CDIN1: variants seen among roughly 807,000 people sequenced by gnomAD.
CDIN1 encodes the protein CDAN1 interacting nuclease 1, also known as CDAN1-interacting nuclease 1.
In CDIN1, 33 loss-of-function variants were observed where a neutral mutation model predicts 45.3. The observed-to-expected ratio is 0.73, with a 90% confidence interval of 0.55 to 0.97. The LOEUF is 0.97. Ranked by LOEUF, CDIN1 falls within the 50% of genes least tolerant of loss-of-function variation. The pLI is 0.00. For synonymous variants in CDIN1, 118 were observed against 124.4 expected, an observed-to-expected ratio of 0.95 and a Z score of 0.34; for missense variants, 303 against 339.4, an observed-to-expected ratio of 0.89 and a Z score of 0.84.
chr15:36,618,997 G>T, intron 1 of CDIN1: 3 of 1,521,914 alleles, frequency 2.0e-6, no homozygotes, highest in Non-Finnish European at 2.7e-6. Flanking sequence ...TTCAGTTCTT[G>T]TGTAGCCACT....
At chr15:36,744,756 T>G (rs1331091685) in intron 10 of CDIN1, among the ~76,000 whole-genome samples, 1 of 152,168 alleles carries the variant, frequency 6.6e-6, no homozygotes, top group Non-Finnish European at 1.5e-5. Context: ...GATGATAACT[T>G]TGAAAATGGC....
intron 10 of CDIN1, among the ~76,000 whole-genome samples, chr15:36,716,632 G>C (rs1405841786): frequency 1.3e-5 from 2 of 152,122 alleles, no homozygotes; most frequent in Non-Finnish European, 2.9e-5. Context: ...GTGCAGTGCA[G>C]CCTGGACTCT....
chr15:36,792,079 C>T (rs1037728155), intron 10 of CDIN1, among the ~76,000 whole-genome samples: 3 of 152,128 alleles, frequency 2.0e-5, no homozygotes, highest in Non-Finnish European at 2.9e-5. Flanking sequence ...CAGTTTGCAG[C>T]CAGGAACGCC....
intron 10 of CDIN1, among the ~76,000 whole-genome samples, chr15:36,739,297 TG>T (rs2044147520): frequency 6.6e-6 from 1 of 152,202 alleles, no homozygotes; most frequent in Admixed American, 6.5e-5. Flanking sequence ...TCCAGCTAGT[TG>T]GGAGACTGAG....
intron 10 of CDIN1, among the ~76,000 whole-genome samples, chr15:36,757,908 AAGAG>A (rs760908120): frequency 2.2e-4 from 34 of 152,222 alleles, no homozygotes; most frequent in East Asian, 1.9e-3. Context: ...AGTTTTGAGA[AAGAG>A]AGAGAGACCA....
intron 1 of CDIN1, chr15:36,613,463 G>A (rs963576393): frequency 2.6e-5 from 40 of 1,547,084 alleles, no homozygotes; most frequent in Non-Finnish European, 3.0e-5. Flanking sequence ...CAGTAGCTAG[G>A]TGGGCACCAT....
At chr15:36,777,370 C>G (rs548805462) in intron 10 of CDIN1, among the ~76,000 whole-genome samples, 6 of 151,720 alleles carry the variant, frequency 4.0e-5, no homozygotes, top group East Asian at 1.9e-4. Flanking sequence ...GTTGGACAAA[C>G]CCTTTTAGAG....
At chr15:36,756,263 GGTTTTT>G (rs1307118395) in intron 10 of CDIN1, among the ~76,000 whole-genome samples, 5 of 152,214 alleles carry the variant, frequency 3.3e-5, no homozygotes, top group East Asian at 1.9e-4. Context: ...TTTGGCAGTA[GGTTTTT>G]GTTTTTGTTT....
rs535586978 is a variant in CDIN1 at position 36,720,791 on chromosome 15, C to T, written c.716+10830C>T. Among the ~76,000 whole-genome samples the T allele has an allele frequency of 2.0e-5, 3 of 152,142 alleles. No homozygotes were observed. The East Asian group carries it at 5.8e-4, about 29-fold the overall frequency. The stretch of plus-strand genomic sequence containing the variant: ...GATTTATAACCCTTTGGGTATATAC[C>T]CAGTAATGGGATGGCTGGGTCAAAT... On this transcript the variant is annotated intron_variant, in intron 10 of 10. Coordinates refer to ENST00000566621, the MANE Select transcript of CDIN1 (RefSeq NM_001321759.2).
chr15:36,594,883 C>A, intron 1 of CDIN1: 1 of 985,506 alleles, frequency 1.0e-6, no homozygotes. Context: ...TAATACCACC[C>A]CATTTCCTCA....
At chr15:36,734,520 C>T (rs903150191) in intron 10 of CDIN1, among the ~76,000 whole-genome samples, 3 of 152,044 alleles carry the variant, frequency 2.0e-5, no homozygotes, top group Non-Finnish European at 4.4e-5. Context: ...TGCTAAGTAG[C>T]TGTTTATAAA....
intron 10 of CDIN1, among the ~76,000 whole-genome samples, chr15:36,791,636 G>A (rs2890823): frequency 0.8 from 122,023 of 151,952 alleles, 51,837 homozygotes; most frequent in East Asian, 0.95. Context: ...ATTAGGAATC[G>A]TTGTTATTTA....
chr15:36,758,666 C>T (rs370016441), intron 10 of CDIN1, among the ~76,000 whole-genome samples: 73 of 152,186 alleles, frequency 4.8e-4, no homozygotes, highest in African/African-American at 1.5e-3. Context: ...GAATTCTTCT[C>T]GGAAGATTTC....
rs1396764888 is a variant in CDIN1, at chr15:36,691,760, A to G, written c.422A>G (p.Tyr141Cys). The G allele has an allele frequency of 2.5e-6, 4 of 1,591,714 alleles. No homozygotes were observed. The highest frequency in any genetic ancestry group is 3.4e-6 in the Non-Finnish European group (4 of 1,165,260). The change falls in exon 6 of 11, where the codon TAT becomes TGT. Residue 141 changes from tyrosine to cysteine, a missense_variant. Coordinates refer to ENST00000566621, the MANE Select transcript of CDIN1 (RefSeq NM_001321759.2). ...IPDGVLANQV[Y>C]QCIVNDCCYG... is the part of the protein sequence containing the mutation. ...GATGGAGTTCTAGCAAATCAGGTCT[A>G]TCAGGTATTAATCACAGCTGTCTAT...
chr15:36,702,490 C>T (rs1055020459), intron 8 of CDIN1, among the ~76,000 whole-genome samples: 14 of 151,760 alleles, frequency 9.2e-5, no homozygotes, highest in African/African-American at 3.2e-4. Context: ...TGACCACTTA[C>T]GATGGTGTGC....
chr15:36,741,887 C>T (rs1347936938), intron 10 of CDIN1, among the ~76,000 whole-genome samples: 5 of 152,104 alleles, frequency 3.3e-5, no homozygotes, highest in Admixed American at 6.6e-5. Flanking sequence ...CTTCAACATA[C>T]AAAGTTTTTG....
At chr15:36,625,331 A>C (rs2039376497) in intron 1 of CDIN1, among the ~76,000 whole-genome samples, 1 of 152,164 alleles carries the variant, frequency 6.6e-6, no homozygotes, top group Non-Finnish European at 1.5e-5. Flanking sequence ...AAAAGGTTGG[A>C]AAGTAACTGT....
chr15:36,761,811 A>G (rs1362195968), intron 10 of CDIN1, among the ~76,000 whole-genome samples: 6 of 152,322 alleles, frequency 3.9e-5, no homozygotes, highest in African/African-American at 1.4e-4. Context: ...GCATACTGAT[A>G]TGCAAGATTT....
At chr15:36,610,519 A>T (rs2038597913) in intron 1 of CDIN1, among the ~76,000 whole-genome samples, 1 of 152,184 alleles carries the variant, frequency 6.6e-6, no homozygotes. Context: ...TTTCACATCC[A>T]CTTCTTTTGC....
Sources: allele counts gnomAD v4.1 joint callset (sites outside exome capture counted in the v4.1 genomes callset), GRCh38; gene constraint gnomAD v4.1.1; transcripts MANE v1.5; gene names NCBI Gene and HGNC (gene_info 2026-07-23, HGNC 2026-07-21).